Variants in HMX1 observed in about 807,000 individuals in gnomAD.
The protein encoded by HMX1 is H6 family homeobox 1.
A neutral mutation model predicts 8.9 loss-of-function variants in HMX1; 8 were observed. That is an observed-to-expected ratio of 0.90 (90% CI 0.53 to 1.63). The LOEUF (loss-of-function observed/expected upper bound fraction) is 1.63, where lower values mean the gene tolerates loss of function less well. HMX1 is among the 40% of genes most tolerant of loss of function. The probability of loss-of-function intolerance (pLI) is 0.00; values close to 1 mark genes in which losing one functional copy is unlikely to be tolerated. For synonymous variants in HMX1, 311 were observed against 283.4 expected, an observed-to-expected ratio of 1.10 and a Z score of -0.98; for missense variants, 621 against 558.5, an observed-to-expected ratio of 1.11 and a Z score of -1.13.
downstream of HMX1, among the ~76,000 whole-genome samples, chr4:8,862,547 C>T (rs1181138868): frequency 6.6e-6 from 1 of 152,152 alleles, no homozygotes; most frequent in African/African-American, 2.4e-5. Context: ...TATTATAAAG[C>T]AAACACAGAC....
In HMX1 at chr4:8,870,228, G is replaced by C. The variant is rs28633799; in HGVS notation, c.394+993C>G. Among the ~76,000 whole-genome samples, 5,769 of 152,158 alleles carry C rather than the reference G, an allele frequency of 0.038. 315 individuals are homozygous for C. The highest frequency in any genetic ancestry group is 0.12 in the South Asian group (573 of 4,806). Reference sequence around the variant, plus strand: ...AAGGTCCAAAGGCTGTGTTGGGGGTGGGGGGCTGGCTAAGCCAGGGCTTGG... The same window carrying C: ...AAGGTCCAAAGGCTGTGTTGGGGGTCGGGGGCTGGCTAAGCCAGGGCTTGG... On this transcript the variant is annotated intron_variant, in intron 1 of 1. Coordinates refer to ENST00000400677, the MANE Select transcript of HMX1 (RefSeq NM_018942.3). This position sits in a 1 kb window ranked among gnomAD's most constrained non-coding sequence, Gnocchi z 4.4.
intron 1 of HMX1, among the ~76,000 whole-genome samples, chr4:8,859,848 C>A (rs1347172080): frequency 6.6e-6 from 1 of 152,232 alleles, no homozygotes; most frequent in Non-Finnish European, 1.5e-5. Flanking sequence ...CCAGGGGAGG[C>A]GGAAGGGCCA....
At position 8,867,806 on chromosome 4, in the gene HMX1, CG is replaced by C; in HGVS notation, c.933del (p.Ala312ArgfsTer98). On this transcript the variant is annotated frameshift_variant, in exon 2 of 2. Transcript: ENST00000400677. LOFTEE classifies it low-confidence loss of function (END_TRUNC). Reference sequence around the variant, plus strand: ...AAGCCGAGCAGCGGTGGGGGCGGCGCGGGCGCGGCGGGCGCCAGCGGGAAGG... The same window carrying C: ...AAGCCGAGCAGCGGTGGGGGCGGCGCGGCGCGGCGGGCGCCAGCGGGAAGG... ...TLPFPLAPAAPAPPPPLLGFS... is the reference protein window; with the variant it reads ...TLPFPLAPAAXAPPPPLLGFS... The C allele has an allele frequency of 8.2e-7, 1 of 1,225,760 alleles. No individual in the cohort carries two copies. Among genetic ancestry groups the C allele is most frequent in the Non-Finnish European group, 1.0e-6 (1 of 986,494 alleles). 75.9% of individuals were successfully genotyped at this position (1,225,760 alleles called of 1,614,324 possible). A position where few individuals can be genotyped will look rare whatever the true frequency, so the allele number is the denominator to read the frequency against.
At chr4:8,863,727 G>T (rs1427762842), downstream of HMX1, among the ~76,000 whole-genome samples, 3 of 152,258 alleles carry the variant, frequency 2.0e-5, no homozygotes, top group Non-Finnish European at 4.4e-5. Flanking sequence ...CCTGGTTGCT[G>T]CCTGCTCTCT....
chr4:8,857,984 G>A (rs1013154618), intron 1 of HMX1, among the ~76,000 whole-genome samples: 6 of 152,112 alleles, frequency 3.9e-5, no homozygotes, highest in Non-Finnish European at 8.8e-5. Flanking sequence ...GTGAAGCCGA[G>A]GGGTGGCTTT....
chr4:8,859,725 T>A (rs1347136158), intron 1 of HMX1, among the ~76,000 whole-genome samples: 5 of 151,768 alleles, frequency 3.3e-5, no homozygotes, highest in East Asian at 1.9e-4. Flanking sequence ...TGACGTGGAG[T>A]CGCACTGGGA....
chr4:8,869,927 C>T (rs192340134), intron 1 of HMX1, among the ~76,000 whole-genome samples: 269 of 152,282 alleles, frequency 1.8e-3, no homozygotes, highest in Admixed American at 2.9e-3. Context: ...TAGTCTCCCC[C>T]AGAAGGGCAC....
chr4:8,858,702 C>T (rs1185466776), intron 1 of HMX1: 1 of 152,274 alleles, frequency 6.6e-6, no homozygotes, highest in East Asian at 1.9e-4. Flanking sequence ...CACCAATGCC[C>T]CGGGCCCGCT....
intron 1 of HMX1, among the ~76,000 whole-genome samples, chr4:8,854,257 C>T (rs1332795087): frequency 6.6e-6 from 1 of 152,218 alleles, no homozygotes; most frequent in Non-Finnish European, 1.5e-5. Context: ...AACAGCTGTG[C>T]TGAGGGCTGG....
Position 8,848,676 on chromosome 4 carries a change from T to A in HMX1, c.395-2352A>T, listed in dbSNP as rs2109451723. 6.6e-6 allele frequency among the ~76,000 whole-genome samples: 1 copy of A among 152,260 alleles called. No homozygotes were observed. The highest frequency in any genetic ancestry group is 1.5e-5 in the Non-Finnish European group (1 of 68,006). ...GCTCCCCCATCCCCCTTTTTTCAGA[T>A]ATGCCTTGCAAGAACACAGATCTGC... On this transcript the variant is annotated intron_variant, in intron 1 of 1. Coordinates refer to the HMX1 transcript ENST00000506970. This position sits in a 1 kb window ranked among gnomAD's most constrained non-coding sequence, Gnocchi z 4.1.
In HMX1 at chr4:8,849,304, C is replaced by A. The variant is rs1721370369; in HGVS notation, c.395-2980G>T. On this transcript the variant is annotated intron_variant, in intron 1 of 1. Coordinates refer to the HMX1 transcript ENST00000506970. This position sits in a 1 kb window ranked among gnomAD's most constrained non-coding sequence, Gnocchi z 6.6. ...TGAGGTAAGCAAGCTGAAATGCAGG[C>A]AGGGCCCTACCCCAAGCTGAGTGGT... 3.3e-5 allele frequency among the ~76,000 whole-genome samples: 5 copies of A among 152,020 alleles called. No individual in the cohort carries two copies. In the South Asian group the frequency reaches 1.0e-3, roughly 32 times the overall value.
chr4:8,871,777 T>A lies in HMX1; in HGVS notation c.-163A>T. On this transcript the variant is annotated 5_prime_UTR_variant, in exon 1 of 2. Coordinates refer to ENST00000400677, the MANE Select transcript of HMX1 (RefSeq NM_018942.3). This position sits in a 1 kb window ranked among gnomAD's most constrained non-coding sequence, Gnocchi z 4.8. The stretch of plus-strand genomic sequence containing the variant: ...CGGCGGCCTCCGCGCCGGGCTGGGC[T>A]GGGCCGGGCCGGGAGCGAGTGCGCG... The A allele has an allele frequency of 1.1e-6, 1 of 906,376 alleles. No individual in the cohort carries two copies. Among genetic ancestry groups the A allele is most frequent in the Non-Finnish European group, 1.3e-6 (1 of 757,636 alleles). The allele number at this position is 906,376 out of a possible 1,614,324, so 56.1% of individuals were successfully genotyped here.
chr4:8,852,735 C>T (rs1424991921), intron 1 of HMX1, among the ~76,000 whole-genome samples: 1 of 152,252 alleles, frequency 6.6e-6, no homozygotes, highest in Non-Finnish European at 1.5e-5. Context: ...CTGTGCAGGG[C>T]TTCCAAGTTG....
chr4:8,871,352 C>G lies in HMX1; in HGVS notation c.263G>C (p.Gly88Ala), dbSNP rs1722211652. The G allele has an allele frequency of 8.0e-7, 1 of 1,256,714 alleles. No homozygotes were observed. Among genetic ancestry groups the G allele is most frequent in the East Asian group, 3.5e-5 (1 of 28,698 alleles). The allele number at this position is 1,256,714 out of a possible 1,614,324, so 77.8% of individuals were successfully genotyped here. Residue 88 changes from glycine to alanine, a missense_variant, in exon 1 of 2, where the codon GGG (glycine) becomes GCG (alanine). Physicochemically the swap from Gly to Ala is moderately conservative, Grantham distance 60. Coordinates refer to ENST00000400677, the MANE Select transcript of HMX1 (RefSeq NM_018942.3). The surrounding 1 kb of genome is among the most constrained non-coding windows in gnomAD (Gnocchi z 4.8). ...AGGACCGAGGCCCAGCGCGCCCGGC[C>G]CGAGCAGCGCACGGGCCCGCGCCTC... is the stretch of plus-strand genomic sequence containing the variant. ...GGEARARALL[G>A]PGALGLGPRP...
Position 8,870,588 on chromosome 4 carries a change from C to A in HMX1, c.394+633G>T, listed in dbSNP as rs1032162259. Among the ~76,000 whole-genome samples, 1 of 152,156 alleles carries A rather than the reference C, an allele frequency of 6.6e-6. No homozygotes were observed. Among genetic ancestry groups the A allele is most frequent in the Non-Finnish European group, 1.5e-5 (1 of 68,016 alleles). ...GGCCCCTGCCCCAGGCTGTCTGCAG[C>A]GGGCACAGAGGAAACAGGACTCTGG... On this transcript the variant is annotated intron_variant, in intron 1 of 1. Transcript: ENST00000400677. The surrounding 1 kb of genome is among the most constrained non-coding windows in gnomAD (Gnocchi z 4.4).
At chr4:8,863,649 C>T (rs995843348), downstream of HMX1, among the ~76,000 whole-genome samples, 18 of 152,378 alleles carry the variant, frequency 1.2e-4, no homozygotes, top group African/African-American at 4.1e-4. Flanking sequence ...ATCCACACCT[C>T]CAAGGGCACT....
intron 1 of HMX1, among the ~76,000 whole-genome samples, chr4:8,854,861 G>A (rs941799720): frequency 3.9e-5 from 6 of 152,236 alleles, no homozygotes; most frequent in African/African-American, 1.4e-4. Flanking sequence ...ATCACAGGGA[G>A]GGATTCATTC....
intron 1 of HMX1, among the ~76,000 whole-genome samples, chr4:8,857,500 G>A (rs544014649): frequency 1.7e-3 from 264 of 152,250 alleles, no homozygotes; most frequent in African/African-American, 5.8e-3. Flanking sequence ...GCACCCGGTG[G>A]GGCGCGGGTT....
chr4:8,866,122 G>A (rs953881253), downstream of HMX1, among the ~76,000 whole-genome samples: 6 of 152,090 alleles, frequency 3.9e-5, no homozygotes, highest in Non-Finnish European at 8.8e-5. Flanking sequence ...ACCAACTGAT[G>A]GGCCGGGGCG....
Sources: gnomAD v4.1 joint callset for allele counts (sites outside exome capture counted in the v4.1 genomes callset) on GRCh38, gnomAD v4.1.1 for gene constraint, Gnocchi (gnomAD v3.1) non-coding constraint, MANE v1.5 for transcripts, NCBI Gene and HGNC (gene_info 2026-07-23, HGNC 2026-07-21) for gene names.